The following AADACL4 variants were observed in gnomAD, a reference collection of about 807,000 sequenced individuals.
AADACL4 encodes the protein arylacetamide deacetylase like 4.
Under a neutral mutation model 14.1 loss-of-function variants are expected in AADACL4, and 9 were observed. That is an observed-to-expected ratio of 0.64 (90% CI 0.39 to 1.12). The LOEUF (loss-of-function observed/expected upper bound fraction) is 1.12, where lower values mean the gene tolerates loss of function less well. Ranked by LOEUF, AADACL4 falls within the 50% of genes most tolerant of loss-of-function variation. The pLI is 0.01. For synonymous variants in AADACL4, 188 were observed against 201.6 expected (o/e 0.93, Z 0.57); for missense variants, 531 against 516.1 (o/e 1.03, Z -0.28).
intron 2 of AADACL4, among the ~76,000 whole-genome samples, chr1:12,651,786 C>T (rs919465009): frequency 2.0e-5 from 3 of 151,880 alleles, no homozygotes; most frequent in Non-Finnish European, 4.4e-5. Context: ...CCTGATTCAC[C>T]TCTCGCCCCT....
Position 12,661,802 on chromosome 1 carries a change from G to A in AADACL4, c.397G>A (p.Gly133Ser). Residue 133 changes from glycine (G) to serine (S), a missense_variant, in exon 3 of 4, where the codon GGC becomes AGC. Coordinates refer to ENST00000376221, the MANE Select transcript of AADACL4 (RefSeq NM_001013630.2). ...TTTTTGTCTTGCAGATTGTTACCAT[G>A]GCCTGTGCAATTATCTGGCCCGGGA... is the stretch of plus-strand genomic sequence containing the variant. ...TVFGSLDCYH[G>S]LCNYLARETE... 1 of 1,614,116 alleles carries A rather than the reference G, an allele frequency of 6.2e-7. No homozygotes were observed. The highest frequency in any genetic ancestry group is 8.5e-7 in the Non-Finnish European group (1 of 1,180,020).
At chr1:12,665,379 C>A (rs1306873115) in intron 3 of AADACL4, among the ~76,000 whole-genome samples, 1 of 152,138 alleles carries the variant, frequency 6.6e-6, no homozygotes, top group Non-Finnish European at 1.5e-5. Context: ...CCCGCCACCA[C>A]GCCTGGCTAA....
chr1:12,652,795 T>A (rs912379550), intron 2 of AADACL4, among the ~76,000 whole-genome samples: 1 of 152,182 alleles, frequency 6.6e-6, no homozygotes, highest in Non-Finnish European at 1.5e-5. Context: ...AACATGTTAA[T>A]GAACACATAA....
chr1:12,660,156 T>C (rs2265969), intron 2 of AADACL4, among the ~76,000 whole-genome samples: 17,545 of 152,086 alleles, frequency 0.12, 2,198 homozygotes, highest in African/African-American at 0.32. Flanking sequence ...CTATATTGCC[T>C]AGCCTGGTCT....
At chr1:12,651,069 C>T (rs1647142094) in intron 1 of AADACL4, 54 bp from the exon 2 acceptor site, 6 of 1,509,700 alleles carry the variant, frequency 4.0e-6, no homozygotes, top group Non-Finnish European at 5.5e-6. Context: ...GGGAATCTAC[C>T]ATCCAGATTC....
intron 3 of AADACL4, 63 bp from the exon 4 acceptor site, chr1:12,665,898 T>G: frequency 6.7e-7 from 1 of 1,502,768 alleles, no homozygotes; most frequent in Non-Finnish European, 9.0e-7. Context: ...AGGATTCTGT[T>G]GAAACAGCTC....
chr1:12,658,139 C>CTTTCTTT (rs1647196704), intron 2 of AADACL4, among the ~76,000 whole-genome samples: 8 of 84,932 alleles, frequency 9.4e-5, no homozygotes, highest in Admixed American at 7.0e-4. Flanking sequence ...TTCCTTCCTT[C>CTTTCTTT]CTTTCTTTCT....
intron 1 of AADACL4, 138 bp downstream of exon 1, chr1:12,644,852 A>T (rs1319486483): frequency 1.0e-6 from 1 of 977,898 alleles, no homozygotes; most frequent in African/African-American, 1.6e-5. Context: ...TCTCTTCTGT[A>T]TCTGCTATTC....
chr1:12,655,504 C>T (rs2252873), intron 2 of AADACL4, among the ~76,000 whole-genome samples: 4,587 of 151,622 alleles, frequency 0.03, 75 homozygotes, highest in Middle Eastern at 0.071. Context: ...GTAGTGAGGG[C>T]AGGGTCTAGG....
At chr1:12,644,995 C>G (rs1442836638) in intron 1 of AADACL4, among the ~76,000 whole-genome samples, 2 of 147,714 alleles carry the variant, frequency 1.4e-5, no homozygotes, top group African/African-American at 5.0e-5. Flanking sequence ...TTCCTTCCCT[C>G]CTTCCCTCTC....
chr1:12,645,085 G>A (rs796528220), intron 1 of AADACL4, among the ~76,000 whole-genome samples: 2 of 82,836 alleles, frequency 2.4e-5, no homozygotes, highest in African/African-American at 4.8e-5. Context: ...CTCCTTCTCC[G>A]CTCCTTTCCT....
chr1:12,648,795 A>G (rs1056464878), intron 1 of AADACL4, among the ~76,000 whole-genome samples: 1 of 152,158 alleles, frequency 6.6e-6, no homozygotes, highest in Non-Finnish European at 1.5e-5. Flanking sequence ...GTTACCAGCT[A>G]TAGAAAATGT....
intron 3 of AADACL4, 93 bp downstream of exon 3, chr1:12,661,947 C>A: frequency 7.2e-7 from 1 of 1,380,724 alleles, no homozygotes; most frequent in Non-Finnish European, 1.0e-6. Flanking sequence ...GGCCCTAACT[C>A]CCAAGAGGCA....
chr1:12,658,728 A>G lies in AADACL4; in HGVS notation c.386-3063A>G, dbSNP rs553656810. Among the ~76,000 whole-genome samples, 3 of 137,316 alleles carry G rather than the reference A, an allele frequency of 2.2e-5. No homozygotes were observed. In the East Asian group the frequency reaches 6.4e-4, roughly 29 times the overall value. 90.1% of individuals were successfully genotyped at this position (137,316 alleles called of 152,430 possible). On this transcript the variant is annotated intron_variant, in intron 2 of 3. Transcript: ENST00000376221. ...CCCCCCGTGTACACCCCGTGCACTG[A>G]TACTGCCCTGCCCTGCACCCGTTTC...
chr1:12,665,263 C>T (rs542679848), intron 3 of AADACL4, among the ~76,000 whole-genome samples: 1 of 152,274 alleles, frequency 6.6e-6, no homozygotes, highest in East Asian at 1.9e-4. Context: ...CGCTCTGTCG[C>T]CCAGGCTGGA....
In AADACL4 at chr1:12,666,135, C is replaced by T; in HGVS notation, c.624C>T (p.Gly208=). The T allele has an allele frequency of 6.2e-7, 1 of 1,614,240 alleles. No homozygotes were observed. Among genetic ancestry groups the T allele is most frequent in the South Asian group, 1.1e-5 (1 of 91,080 alleles). Reference sequence around the variant, plus strand: ...CCGCCATCACCCAGGCCTTGGTGGGCAGATCAGATCTTCCCCGGATCCGGG... The same window carrying T: ...CCGCCATCACCCAGGCCTTGGTGGGTAGATCAGATCTTCCCCGGATCCGGG... ...AVAAITQALV[G]RSDLPRIRAQ... The change falls in exon 4 of 4, where the codon GGC becomes GGT. Residue 208 remains glycine (G), a synonymous_variant. Coordinates refer to ENST00000376221, the MANE Select transcript of AADACL4 (RefSeq NM_001013630.2).
chr1:12,665,597 C>T (rs1310709812), intron 3 of AADACL4, among the ~76,000 whole-genome samples: 1 of 152,250 alleles, frequency 6.6e-6, no homozygotes, highest in Non-Finnish European at 1.5e-5. Context: ...TGTTCTCTCT[C>T]CCTTTCTCTA....
At position 12,647,255 on chromosome 1, in the gene AADACL4, C is replaced by T. The variant is rs371845039; in HGVS notation, c.168+2541C>T. On this transcript the variant is annotated intron_variant, in intron 1 of 3. Coordinates refer to ENST00000376221, the MANE Select transcript of AADACL4 (RefSeq NM_001013630.2). ...ACCACAGGCGTGCACCTTCACATCA[C>T]GCCTGGCTAATTTTTTGATATTTTG... Among the ~76,000 whole-genome samples, 508 of 152,056 alleles carry T rather than the reference C, an allele frequency of 3.3e-3. 3 individuals carry two copies. The highest frequency in any genetic ancestry group is 0.012 in the African/African-American group (483 of 41,474).
rs756826551 is a variant in AADACL4 at position 12,644,641 on chromosome 1, A to T, written c.95A>T (p.Asp32Val). ...WAVFEHFLTT[D>V]IPATLQHPAK... is the part of the protein sequence containing the mutation. ...GTCTTTGAGCACTTCCTCACCACGG[A>T]TATCCCTGCTACCTTGCAGCATCCT... is the stretch of plus-strand genomic sequence containing the variant. The change falls in exon 1 of 4, where the codon GAT (aspartate) becomes GTT (valine). Residue 32 changes from aspartate to valine, a missense_variant. Coordinates refer to ENST00000376221, the MANE Select transcript of AADACL4 (RefSeq NM_001013630.2). 15 of 1,613,926 alleles carry T rather than the reference A, an allele frequency of 9.3e-6. No individual in the cohort carries two copies. In the African/African-American group the frequency reaches 2.0e-4, roughly 22 times the overall value.
Sources: gnomAD v4.1 joint callset for allele counts (sites outside exome capture counted in the v4.1 genomes callset) on GRCh38, gnomAD v4.1.1 for gene constraint, MANE v1.5 for transcripts, NCBI Gene and HGNC (gene_info 2026-07-23, HGNC 2026-07-21) for gene names.